The following RNF144B variants were observed in gnomAD, a reference collection of about 807,000 sequenced individuals.
RNF144B encodes E3 ubiquitin-protein ligase RNF144B.
A neutral mutation model predicts 40.2 loss-of-function variants in RNF144B; 25 were observed. That is an observed-to-expected ratio of 0.62 (90% CI 0.45 to 0.87). The LOEUF is 0.87. Ranked by LOEUF, RNF144B falls within the 40% of genes least tolerant of loss-of-function variation. The pLI, the probability that RNF144B is intolerant of heterozygous loss-of-function variation, is 0.00. For missense variants in RNF144B, 365 were observed against 373.7 expected, an observed-to-expected ratio of 0.98 and a Z score of 0.19; for synonymous variants, 145 against 136.3, an observed-to-expected ratio of 1.06 and a Z score of -0.44.
chr6:18,428,063 A>G lies in RNF144B; in HGVS notation c.270+378A>G, dbSNP rs1758604164. Among the ~76,000 whole-genome samples the G allele has an allele frequency of 4.6e-5, 7 of 152,166 alleles. No individual in the cohort carries two copies. The South Asian group carries it at 1.4e-3, about 32-fold the overall frequency. ...GGGACCAGGTGGAGATAATTGAATC[A>G]TGGGGGCGGTTCCCCCATGCTGTTC... On this transcript the variant is annotated intron_variant, in intron 3 of 7. Transcript: ENST00000259939.
intron 3 of RNF144B, among the ~76,000 whole-genome samples, chr6:18,436,300 G>A (rs1190782169): frequency 6.6e-6 from 1 of 152,116 alleles, no homozygotes; most frequent in Admixed American, 6.5e-5. Context: ...AGATTGGAAC[G>A]TCAAGGAGAT....
intron 4 of RNF144B, among the ~76,000 whole-genome samples, chr6:18,445,451 A>G (rs1031600980): frequency 1.3e-5 from 2 of 152,176 alleles, no homozygotes; most frequent in Non-Finnish European, 2.9e-5. Flanking sequence ...GAAGTAGAAA[A>G]TAGTTTTAAA....
At chr6:18,436,081 A>C (rs1440631007) in intron 3 of RNF144B, among the ~76,000 whole-genome samples, 2 of 152,082 alleles carry the variant, frequency 1.3e-5, no homozygotes, top group African/African-American at 4.8e-5. Context: ...AGTTAACATC[A>C]TCAATAATGA....
chr6:18,429,308 A>G (rs1562050184), intron 3 of RNF144B, among the ~76,000 whole-genome samples: 1 of 151,600 alleles, frequency 6.6e-6, no homozygotes, highest in African/African-American at 2.4e-5. Context: ...ACACATGTAG[A>G]TGTGTGTGTG....
intron 2 of RNF144B, among the ~76,000 whole-genome samples, chr6:18,404,804 A>G (rs1794862412): frequency 6.6e-6 from 1 of 152,234 alleles, no homozygotes; most frequent in Admixed American, 6.5e-5. Context: ...AGTACCACAT[A>G]TTTAAGAACT....
chr6:18,420,872 C>G (rs1795244767), intron 2 of RNF144B, among the ~76,000 whole-genome samples: 1 of 151,988 alleles, frequency 6.6e-6, no homozygotes, highest in South Asian at 2.1e-4. Flanking sequence ...AAACATGATA[C>G]TAAGTAGTAT....
At chr6:18,453,381 A>C (rs1178545848) in intron 4 of RNF144B, among the ~76,000 whole-genome samples, 1 of 150,564 alleles carries the variant, frequency 6.6e-6, no homozygotes, top group South Asian at 2.1e-4. Context: ...CAGGTGATCC[A>C]CCCGCCTCAG....
Position 18,447,168 on chromosome 6 carries a change from G to T in RNF144B, c.331+7424G>T, listed in dbSNP as rs1759102229. Among the ~76,000 whole-genome samples the T allele has an allele frequency of 6.6e-6, 1 of 152,066 alleles. No homozygotes were observed. Among genetic ancestry groups the T allele is most frequent in the Non-Finnish European group, 1.5e-5 (1 of 68,014 alleles). Reference sequence around the variant, plus strand: ...AGATGGGGGAGGCTATTTTGGATAGGATTTTTGTGGAAGACCTCTTTGATG... The same window carrying T: ...AGATGGGGGAGGCTATTTTGGATAGTATTTTTGTGGAAGACCTCTTTGATG... On this transcript the variant is annotated intron_variant, in intron 4 of 7. Coordinates refer to ENST00000259939, the MANE Select transcript of RNF144B (RefSeq NM_182757.4). This position sits in a 1 kb window ranked among gnomAD's most constrained non-coding sequence, Gnocchi z 5.6.
In RNF144B at chr6:18,466,722, G is replaced by A. The variant is rs929021721; in HGVS notation, c.*1655G>A. On this transcript the variant is annotated 3_prime_UTR_variant, in exon 8 of 8. Coordinates refer to ENST00000259939, the MANE Select transcript of RNF144B (RefSeq NM_182757.4). ...TAGAATATCAAATTGCTGCTATCTC[G>A]GACCTATTGTTAAAGGATGATGCTT... The A allele has an allele frequency of 1.8e-4, 28 of 152,544 alleles. No homozygotes were observed. Among genetic ancestry groups the A allele is most frequent in the Admixed American group, 1.6e-3 (25 of 15,272 alleles). The allele number at this position is 152,544 out of a possible 1,614,324, so 9.4% of individuals were successfully genotyped here. A position where few individuals can be genotyped will look rare whatever the true frequency, so the allele number is the denominator to read the frequency against.
At position 18,456,218 on chromosome 6, in the gene RNF144B, G is replaced by A. The variant is rs556765575; in HGVS notation, c.332-937G>A. Among the ~76,000 whole-genome samples, 17 of 152,208 alleles carry A rather than the reference G, an allele frequency of 1.1e-4. No homozygotes were observed. Among genetic ancestry groups the A allele is most frequent in the African/African-American group, 3.6e-4 (15 of 41,552 alleles). On this transcript the variant is annotated intron_variant, in intron 4 of 7. Transcript: ENST00000259939. The surrounding 1 kb of genome is among the most constrained non-coding windows in gnomAD (Gnocchi z 4.7). ...ATTACAGGCGTGAGCCACAGTGCCCGGCCCACATGTGGGTCTTTCACACAT... is the reference window on the plus strand; with the variant it reads ...ATTACAGGCGTGAGCCACAGTGCCCAGCCCACATGTGGGTCTTTCACACAT...
Position 18,399,536 on chromosome 6 carries a change from TG to T in RNF144B, c.5del (p.Gly2?), listed in dbSNP as rs1232923807. On this transcript the variant is annotated frameshift_variant and start_lost, in exon 2 of 8. Coordinates refer to ENST00000259939, the MANE Select transcript of RNF144B (RefSeq NM_182757.4). LOFTEE classifies it high-confidence loss of function. [M>X]GSAGRLHYLA... Reference sequence around the variant, plus strand: ...CTGAAGAATGCTGAAGACAGGCTGATGGGCTCAGCTGGTAGGCTCCACTATC... The same window carrying T: ...CTGAAGAATGCTGAAGACAGGCTGATGGCTCAGCTGGTAGGCTCCACTATC... 1.2e-6 allele frequency: 2 copies of T among 1,614,066 alleles called. No individual in the cohort carries two copies. Among genetic ancestry groups the T allele is most frequent in the Non-Finnish European group, 8.5e-7 (1 of 1,179,954 alleles).
intron 3 of RNF144B, 143 bp from the exon 4 acceptor site, chr6:18,439,541 T>C: frequency 1.6e-6 from 1 of 618,262 alleles, no homozygotes; most frequent in Admixed American, 2.7e-5. Context: ...TTTTACTACA[T>C]GAACAGTGTG....
chr6:18,394,894 A>G (rs1794663439), intron 1 of RNF144B, among the ~76,000 whole-genome samples: 2 of 152,192 alleles, frequency 1.3e-5, no homozygotes, highest in African/African-American at 4.8e-5. Flanking sequence ...AATTTAGTGC[A>G]AACTCAGACG....
intron 1 of RNF144B, among the ~76,000 whole-genome samples, chr6:18,391,276 G>A (rs547867296): frequency 2.6e-5 from 4 of 152,214 alleles, no homozygotes; most frequent in Admixed American, 1.3e-4. Context: ...GAGCTTTGTT[G>A]TTATGCCAGG....
intron 2 of RNF144B, among the ~76,000 whole-genome samples, chr6:18,409,262 C>T (rs1794980540): frequency 1.3e-5 from 2 of 150,712 alleles, no homozygotes; most frequent in Admixed American, 1.3e-4. Flanking sequence ...CCTGTAATCC[C>T]AGCTATTTGG....
chr6:18,440,798 T>TG (rs1451691849), intron 4 of RNF144B, among the ~76,000 whole-genome samples: 3 of 150,054 alleles, frequency 2.0e-5, no homozygotes, highest in African/African-American at 7.3e-5. Flanking sequence ...TTGTGGTGTT[T>TG]TTTTTTTTTT....
rs1759622717 is a variant in RNF144B, at chr6:18,468,632, T to C, written c.*3565T>C. 1 of 152,232 alleles carries C rather than the reference T, an allele frequency of 6.6e-6. No homozygotes were observed. The highest frequency in any genetic ancestry group is 2.1e-4 in the South Asian group (1 of 4,828). 9.4% of individuals were successfully genotyped at this position (152,232 alleles called of 1,614,324 possible). On this transcript the variant is annotated 3_prime_UTR_variant, in exon 8 of 8. Transcript: ENST00000259939. ...TTCTGTTCATGAATGGATGCCTTTA[T>C]GTGATATAGAGTCATGTGTGTATGT...
chr6:18,407,518 G>A (rs935109436), intron 2 of RNF144B, among the ~76,000 whole-genome samples: 3 of 152,150 alleles, frequency 2.0e-5, no homozygotes, highest in Non-Finnish European at 4.4e-5. Flanking sequence ...TGGTTATCTA[G>A]CTTTTGACTG....
chr6:18,432,072 A>G (rs926187434), intron 3 of RNF144B, among the ~76,000 whole-genome samples: 1 of 152,204 alleles, frequency 6.6e-6, no homozygotes, highest in East Asian at 1.9e-4. Flanking sequence ...ATTATTCCCT[A>G]AACAATATAG....
Sources: allele counts gnomAD v4.1 joint callset (sites outside exome capture counted in the v4.1 genomes callset), GRCh38; gene constraint gnomAD v4.1.1; non-coding constraint Gnocchi (gnomAD v3.1); transcripts MANE v1.5; gene names NCBI Gene and HGNC (gene_info 2026-07-23, HGNC 2026-07-21).